Variants in UBLCP1 observed in about 807,000 individuals in gnomAD.
UBLCP1 encodes ubiquitin-like domain-containing CTD phosphatase 1.
Under a neutral mutation model 42.4 loss-of-function variants are expected in UBLCP1, and 28 were observed. That is an observed-to-expected ratio of 0.66 (90% CI 0.49 to 0.90). The LOEUF (loss-of-function observed/expected upper bound fraction) is 0.90. Among genes scored for constraint, UBLCP1 ranks in the 40% least tolerant of loss-of-function variants. UBLCP1 has a pLI of 0.00. For missense variants in UBLCP1, 279 were observed against 374.5 expected, an observed-to-expected ratio of 0.75 and a Z score of 2.10; for synonymous variants, 122 against 120.8, an observed-to-expected ratio of 1.01 and a Z score of -0.07.
chr5:159,277,425 C>T (rs1354532393), intron 8 of UBLCP1, among the ~76,000 whole-genome samples: 2 of 152,026 alleles, frequency 1.3e-5, no homozygotes, highest in South Asian at 2.1e-4. Context: ...CTCATAATAC[C>T]GTAAGACTTC....
chr5:159,277,483 T>C (rs1478540715), intron 8 of UBLCP1, among the ~76,000 whole-genome samples: 1 of 152,180 alleles, frequency 6.6e-6, no homozygotes. Flanking sequence ...ATTTTCTGAA[T>C]GTGTAATACA....
At chr5:159,263,966 G>A (rs1753340976) in intron 1 of UBLCP1, among the ~76,000 whole-genome samples, 1 of 152,190 alleles carries the variant, frequency 6.6e-6, no homozygotes, top group African/African-American at 2.4e-5. Flanking sequence ...GAGGACAACA[G>A]CTGTTGGTTC....
At chr5:159,282,110 A>G (rs1344003153) in intron 9 of UBLCP1, among the ~76,000 whole-genome samples, 1 of 152,098 alleles carries the variant, frequency 6.6e-6, no homozygotes, top group Non-Finnish European at 1.5e-5. Context: ...ATGGATGGTT[A>G]TTGTTTGCTC....
intron 5 of UBLCP1, among the ~76,000 whole-genome samples, chr5:159,271,615 T>A (rs934308935): frequency 8.5e-5 from 13 of 152,256 alleles, no homozygotes; most frequent in Admixed American, 8.5e-4. Flanking sequence ...AAAAATTTAA[T>A]TAATTGGTTA....
chr5:159,272,222 G>T, intron 6 of UBLCP1, 101 bp downstream of exon 6: 1 of 935,824 alleles, frequency 1.1e-6, no homozygotes, highest in South Asian at 1.6e-5. Context: ...GTTTAAATAT[G>T]AAATAGTTTT....
In UBLCP1 at chr5:159,285,225, CACACACACACACACACACAAA is replaced by C. The variant is rs1219661704; in HGVS notation, c.*295_*315del. The C allele has an allele frequency of 4.2e-5, 11 of 261,026 alleles. No homozygotes were observed. Among genetic ancestry groups the C allele is most frequent in the South Asian group, 1.2e-4 (2 of 16,498 alleles). 16.2% of individuals were successfully genotyped at this position (261,026 alleles called of 1,614,324 possible). ...ACACACACACACACACACACACACACACACACACACACACACACAAAGTGGAGAAAAATGTATACTCAACAA... is the reference window on the plus strand; with the variant it reads ...ACACACACACACACACACACACACACGTGGAGAAAAATGTATACTCAACAA... On this transcript the variant is annotated 3_prime_UTR_variant, in exon 11 of 11. Transcript: ENST00000296786.
At chr5:159,267,326 G>A (rs1489640521) in intron 1 of UBLCP1, among the ~76,000 whole-genome samples, 1 of 152,138 alleles carries the variant, frequency 6.6e-6, no homozygotes, top group African/African-American at 2.4e-5. Flanking sequence ...GGACTTGCAT[G>A]GGCCCTGTAA....
chr5:159,271,169 T>A (rs1016490490), intron 5 of UBLCP1, among the ~76,000 whole-genome samples: 1 of 152,160 alleles, frequency 6.6e-6, no homozygotes, highest in Non-Finnish European at 1.5e-5. Context: ...GAATTTAAAA[T>A]TTCTCATGTA....
In UBLCP1 at chr5:159,285,843, T is replaced by C. The variant is rs1389858066; in HGVS notation, c.*912T>C. The C allele has an allele frequency of 6.5e-6, 1 of 152,738 alleles. No individual in the cohort carries two copies. The highest frequency in any genetic ancestry group is 1.9e-4 in the East Asian group (1 of 5,342). The allele number at this position is 152,738 out of a possible 1,614,324, so 9.5% of individuals were successfully genotyped here. A position where few individuals can be genotyped will look rare whatever the true frequency, so the allele number is the denominator to read the frequency against. The stretch of plus-strand genomic sequence containing the variant: ...CTGTTTCAGTGAAAATATCTAGCCA[T>C]AAGATTAAAAAAATATATTATTTGC... On this transcript the variant is annotated 3_prime_UTR_variant, in exon 11 of 11. Coordinates refer to ENST00000296786, the MANE Select transcript of UBLCP1 (RefSeq NM_145049.5).
intron 9 of UBLCP1, among the ~76,000 whole-genome samples, chr5:159,280,675 T>C (rs1479945843): frequency 6.6e-6 from 1 of 152,214 alleles, no homozygotes; most frequent in African/African-American, 2.4e-5. Context: ...ATGCACTTGG[T>C]AGAAATCTCA....
chr5:159,284,091 C>A (rs1753641885), intron 10 of UBLCP1, among the ~76,000 whole-genome samples: 1 of 152,118 alleles, frequency 6.6e-6, no homozygotes, highest in Non-Finnish European at 1.5e-5. Context: ...CCACTTTTGA[C>A]TTTTCAGATC....
At chr5:159,279,072 T>G (rs1430564510) in intron 9 of UBLCP1, among the ~76,000 whole-genome samples, 1 of 152,200 alleles carries the variant, frequency 6.6e-6, no homozygotes, top group African/African-American at 2.4e-5. Flanking sequence ...TTTTTGAAAA[T>G]TCCTAGACGG....
At position 159,272,008 on chromosome 5, in the gene UBLCP1, T is replaced by C. The variant is rs1339933656; in HGVS notation, c.449-15T>C. 6.3e-7 allele frequency: 1 copy of C among 1,578,610 alleles called. No individual in the cohort carries two copies. The highest frequency in any genetic ancestry group is 8.7e-7 in the Non-Finnish European group (1 of 1,149,148). On this transcript the variant is annotated splice_polypyrimidine_tract_variant and intron_variant, in intron 5 of 10. Coordinates refer to ENST00000296786, the MANE Select transcript of UBLCP1 (RefSeq NM_145049.5). Reference sequence around the variant, plus strand: ...ATGGTAAACTAATAATTATTTATGATCAATTTTCTTTTAGACCACAGGTCT... The same window carrying C: ...ATGGTAAACTAATAATTATTTATGACCAATTTTCTTTTAGACCACAGGTCT...
chr5:159,274,867 A>G (rs529647045), intron 7 of UBLCP1, among the ~76,000 whole-genome samples: 1 of 152,304 alleles, frequency 6.6e-6, no homozygotes, highest in South Asian at 2.1e-4. Context: ...CTCATTTTAC[A>G]ATAATACTTT....
At chr5:159,266,385 GA>G (rs1753391016) in intron 1 of UBLCP1, among the ~76,000 whole-genome samples, 1 of 152,218 alleles carries the variant, frequency 6.6e-6, no homozygotes, top group South Asian at 2.1e-4. Flanking sequence ...GTATCTGGCA[GA>G]AGAAATTTCT....
At position 159,277,587 on chromosome 5, in the gene UBLCP1, A is replaced by G. The variant is rs559327325; in HGVS notation, c.685-651A>G. On this transcript the variant is annotated intron_variant, in intron 8 of 10. Transcript: ENST00000296786. ...TCAGTGTTATTTCCTGTGTGGTCTT[A>G]CAGAGACTTTACACAAATACCAACA... Among the ~76,000 whole-genome samples, 43 of 152,316 alleles carry G rather than the reference A, an allele frequency of 2.8e-4. No homozygotes were observed. In the South Asian group the frequency reaches 5.0e-3, roughly 18 times the overall value.
intron 3 of UBLCP1, 60 bp downstream of exon 3, chr5:159,270,059 C>T: frequency 6.7e-6 from 9 of 1,333,676 alleles, no homozygotes; most frequent in Non-Finnish European, 9.4e-6. Flanking sequence ...TTATACTACA[C>T]TGTTGTATTA....
At chr5:159,267,439 C>T (rs1753413129) in intron 1 of UBLCP1, among the ~76,000 whole-genome samples, 1 of 152,194 alleles carries the variant, frequency 6.6e-6, no homozygotes, top group Non-Finnish European at 1.5e-5. Context: ...TTTGATTTTA[C>T]AGGCTCATAG....
At position 159,285,050 on chromosome 5, in the gene UBLCP1, G is replaced by T; in HGVS notation, c.*119G>T. 6.7e-6 allele frequency: 6 copies of T among 899,310 alleles called. No homozygotes were observed. The highest frequency in any genetic ancestry group is 8.6e-6 in the Non-Finnish European group (5 of 584,276). 55.7% of individuals were successfully genotyped at this position (899,310 alleles called of 1,614,324 possible). On this transcript the variant is annotated 3_prime_UTR_variant, in exon 11 of 11. Coordinates refer to ENST00000296786, the MANE Select transcript of UBLCP1 (RefSeq NM_145049.5). Reference sequence around the variant, plus strand: ...AGCAAATACCATACTGCTTATACTTGGTCTTCCAGTTTTTTGTAAATTTAA... The same window carrying T: ...AGCAAATACCATACTGCTTATACTTTGTCTTCCAGTTTTTTGTAAATTTAA...
Sources: gnomAD v4.1 joint callset for allele counts (sites outside exome capture counted in the v4.1 genomes callset) on GRCh38, gnomAD v4.1.1 for gene constraint, MANE v1.5 for transcripts, NCBI Gene and HGNC (gene_info 2026-07-23, HGNC 2026-07-21) for gene names.